Variants in LMOD3 observed in about 807,000 individuals in gnomAD.
LMOD3 encodes leiomodin-3.
A neutral mutation model predicts 41.8 loss-of-function variants in LMOD3; 31 were observed. The ratio of observed to expected loss-of-function variants is 0.74; its 90% CI spans 0.56 to 1.00. The LOEUF (loss-of-function observed/expected upper bound fraction) is 1.00, where lower values mean the gene tolerates loss of function less well. Ranked by LOEUF, LMOD3 falls within the 50% of genes least tolerant of loss-of-function variation. LMOD3 has a pLI of 0.00. For synonymous variants in LMOD3, 292 were observed against 241.9 expected (o/e 1.21, Z -1.92); for missense variants, 755 against 679.5 (o/e 1.11, Z -1.23).
chr3:69,109,462 G>T (rs1398148494), intron 2 of LMOD3, among the ~76,000 whole-genome samples: 1 of 148,278 alleles, frequency 6.7e-6, no homozygotes, highest in African/African-American at 2.5e-5. Context: ...GCTGTAAAAT[G>T]ATAATAACAG....
In LMOD3 at chr3:69,109,097, A is replaced by G. The variant is rs749851437; in HGVS notation, c.1681T>C (p.Ter561GlnextTer58). 7 of 1,600,874 alleles carry G rather than the reference A, an allele frequency of 4.4e-6. No individual in the cohort carries two copies. Among genetic ancestry groups the G allele is most frequent in the Non-Finnish European group, 6.0e-6 (7 of 1,173,386 alleles). The stretch of plus-strand genomic sequence containing the variant: ...CTTCTAGATGGCTCTGTTGCCTCTT[A>G]CGCCAGTTCTTTTGGCAGTTGCACC... ...KPVQLPKELA[*>Q] The change falls in exon 3 of 3, where the codon TAA becomes CAA. Residue 561 changes from the stop codon to glutamine (Q), a stop_lost. Transcript: ENST00000420581.
In LMOD3 at chr3:69,108,995, C is replaced by T; in HGVS notation, c.*100G>A. The stretch of plus-strand genomic sequence containing the variant: ...GATGGTAGCATTGTTTCCAGTTCTG[C>T]CACGTGGATCCTAAAGTATTGCTGC... On this transcript the variant is annotated 3_prime_UTR_variant, in exon 3 of 3. Transcript: ENST00000420581. 2 of 1,050,652 alleles carry T rather than the reference C, an allele frequency of 1.9e-6. No homozygotes were observed. Among genetic ancestry groups the T allele is most frequent in the Non-Finnish European group, 2.8e-6 (2 of 705,340 alleles). 65.1% of individuals were successfully genotyped at this position (1,050,652 alleles called of 1,614,324 possible). A position where few individuals can be genotyped will look rare whatever the true frequency, so the allele number is the denominator to read the frequency against.
rs2092334199 is a variant in LMOD3 at position 69,108,705 on chromosome 3, G to A, written c.*390C>T. On this transcript the variant is annotated 3_prime_UTR_variant, in exon 3 of 3. Transcript: ENST00000420581. ...TGAATTACCGCAGAAGAGATGGAAG[G>A]AGAAAAAAATGGGAATACAATAGTT... The A allele has an allele frequency of 6.0e-6, 1 of 167,250 alleles. No individual in the cohort carries two copies. Among genetic ancestry groups the A allele is most frequent in the Non-Finnish European group, 1.3e-5 (1 of 78,192 alleles). The allele number at this position is 167,250 out of a possible 1,614,324, so 10.4% of individuals were successfully genotyped here.
At chr3:69,114,151 T>C (rs2092361247) in intron 2 of LMOD3, among the ~76,000 whole-genome samples, 1 of 152,206 alleles carries the variant, frequency 6.6e-6, no homozygotes, top group Non-Finnish European at 1.5e-5. Flanking sequence ...ATGAAACCAA[T>C]GCATAGAAAC....
At position 69,106,721 on chromosome 3, in the gene LMOD3, T is replaced by G. The variant is rs1269854534; in HGVS notation, c.*2374A>C. The stretch of plus-strand genomic sequence containing the variant: ...TTTTTTTTTTTTTTGAGATGAGGTT[T>G]CGCTCTTGTTGCCCAGGCTGGAGTG... On this transcript the variant is annotated 3_prime_UTR_variant, in exon 3 of 3. Coordinates refer to ENST00000420581, the MANE Select transcript of LMOD3 (RefSeq NM_198271.5). Among the ~76,000 whole-genome samples the G allele has an allele frequency of 6.6e-6, 1 of 151,184 alleles. No individual in the cohort carries two copies. The highest frequency in any genetic ancestry group is 1.5e-5 in the Non-Finnish European group (1 of 67,914).
At chr3:69,114,889 A>G (rs2092364447) in intron 2 of LMOD3, among the ~76,000 whole-genome samples, 1 of 152,102 alleles carries the variant, frequency 6.6e-6, no homozygotes, top group Non-Finnish European at 1.5e-5. Flanking sequence ...TTTTTCACAC[A>G]GGGTCTCACT....
chr3:69,111,646 A>C (rs971839301), intron 2 of LMOD3, among the ~76,000 whole-genome samples: 4 of 152,300 alleles, frequency 2.6e-5, no homozygotes, highest in Middle Eastern at 3.4e-3. Context: ...TGCAATGATA[A>C]CTCAAAGCAG....
chr3:69,112,182 A>G (rs570030824), intron 2 of LMOD3, among the ~76,000 whole-genome samples: 10 of 152,334 alleles, frequency 6.6e-5, no homozygotes, highest in African/African-American at 1.7e-4. Flanking sequence ...TTAGTTTTCA[A>G]AGAAAGTATG....
intron 2 of LMOD3, among the ~76,000 whole-genome samples, chr3:69,110,117 G>T (rs1179046902): frequency 6.6e-6 from 1 of 152,116 alleles, no homozygotes; most frequent in East Asian, 1.9e-4. Flanking sequence ...AGGCAAGGGG[G>T]CATGCACCTG....
In LMOD3 at chr3:69,111,307, C is replaced by A. The variant is rs377240153; in HGVS notation, c.1657-2186G>T. ...GCCAGCCTTCAAGCCAAGGGGACTTCCATGGCTTCTGACCCTCTACCTCCC... is the reference window on the plus strand; with the variant it reads ...GCCAGCCTTCAAGCCAAGGGGACTTACATGGCTTCTGACCCTCTACCTCCC... On this transcript the variant is annotated intron_variant, in intron 2 of 2. Transcript: ENST00000420581. Among the ~76,000 whole-genome samples the A allele has an allele frequency of 5.9e-5, 9 of 152,182 alleles. No individual in the cohort carries two copies. The East Asian group carries it at 1.7e-3, about 29-fold the overall frequency.
At position 69,106,858 on chromosome 3, in the gene LMOD3, G is replaced by GTTTTTTTT. The variant is rs1332897476; in HGVS notation, c.*2236_*2237insAAAAAAAA. The GTTTTTTTT allele has an allele frequency of 1.2e-5, 1 of 81,080 alleles. No homozygotes were observed. Among genetic ancestry groups the GTTTTTTTT allele is most frequent in the African/African-American group, 5.9e-5 (1 of 16,922 alleles). The allele number at this position is 81,080 out of a possible 1,614,324, so 5.0% of individuals were successfully genotyped here. On this transcript the variant is annotated 3_prime_UTR_variant, in exon 3 of 3. Coordinates refer to ENST00000420581, the MANE Select transcript of LMOD3 (RefSeq NM_198271.5). ...TGAGCTACCATGCCTGGCTAATTTT[G>GTTTTTTTT]TATTTTTTTTTTTTTTTTTTTTTTT...
chr3:69,118,776 G>A lies in LMOD3; in HGVS notation c.1579C>T (p.Pro527Ser), dbSNP rs373480967. 2.5e-4 allele frequency: 405 copies of A among 1,612,066 alleles called. 5 individuals carry two copies. In the South Asian group the frequency reaches 4.0e-3, roughly 16 times the overall value. Residue 527 changes from proline (P) to serine (S), a missense_variant, in exon 2 of 3, where the codon CCC becomes TCC. Pro to Ser is a moderately conservative substitution (Grantham distance 74). Coordinates refer to ENST00000420581, the MANE Select transcript of LMOD3 (RefSeq NM_198271.5). The part of the protein sequence containing the change: ...TLKPVPRNRP[P>S]PLVEITPRDQ... ...CTGGGAGTGATTTCCACCAATGGGG[G>A]TGGCCTGTTTCTCGGCACTGGCTTG...
At chr3:69,110,710 G>T (rs1559658003) in intron 2 of LMOD3, among the ~76,000 whole-genome samples, 1 of 147,216 alleles carries the variant, frequency 6.8e-6, no homozygotes, top group Non-Finnish European at 1.5e-5. Flanking sequence ...GGGCGTGGTG[G>T]CACGTGCCTG....
At chr3:69,110,790 C>G (rs2092345598) in intron 2 of LMOD3, among the ~76,000 whole-genome samples, 1 of 139,598 alleles carries the variant, frequency 7.2e-6, no homozygotes, top group South Asian at 2.3e-4. Flanking sequence ...TTGCCTTGAG[C>G]TGGGATCCCA....
chr3:69,119,568 T>C lies in LMOD3; in HGVS notation c.787A>G (p.Ile263Val), dbSNP rs2092396501. ...AACATTTCTTTGGGGATGTTTTCAATGTTGTTCAGGTTGAGTTCCTTCATG... is the reference window on the plus strand; with the variant it reads ...AACATTTCTTTGGGGATGTTTTCAACGTTGTTCAGGTTGAGTTCCTTCATG... Reference protein sequence around the residue: ...PDMKELNLNNIENIPKEMLLD... With the variant: ...PDMKELNLNNVENIPKEMLLD... The change falls in exon 2 of 3, where the codon ATT becomes GTT. Residue 263 changes from isoleucine to valine, a missense_variant. Physicochemically the swap from Ile to Val is conservative, Grantham distance 29. Coordinates refer to ENST00000420581, the MANE Select transcript of LMOD3 (RefSeq NM_198271.5). 21 of 1,613,878 alleles carry C rather than the reference T, an allele frequency of 1.3e-5. No individual in the cohort carries two copies. Among genetic ancestry groups the C allele is most frequent in the Non-Finnish European group, 1.7e-5 (20 of 1,179,896 alleles).
intron 2 of LMOD3, among the ~76,000 whole-genome samples, chr3:69,110,853 A>AAAAAAAAAAATAT (rs1458630453): frequency 9.6e-6 from 1 of 104,164 alleles, no homozygotes; most frequent in African/African-American, 4.8e-5. Flanking sequence ...AAAAAAAAAA[A>AAAAAAAAAAATAT]ATATATATAT....
intron 2 of LMOD3, among the ~76,000 whole-genome samples, chr3:69,116,971 T>C (rs2092377393): frequency 6.6e-6 from 1 of 152,246 alleles, no homozygotes; most frequent in Admixed American, 6.5e-5. Flanking sequence ...GACTGCTCTT[T>C]TCTGAATGTA....
Position 69,114,979 on chromosome 3 carries a change from C to G in LMOD3, c.1656+3720G>C, listed in dbSNP as rs1028511881. On this transcript the variant is annotated intron_variant, in intron 2 of 2. Transcript: ENST00000420581. ...TTCCTGAGCTCAAGTGATCCTCCTGCCTCAGCCTCTTGTGTAGCTGGTACC... is the reference window on the plus strand; with the variant it reads ...TTCCTGAGCTCAAGTGATCCTCCTGGCTCAGCCTCTTGTGTAGCTGGTACC... 2.0e-5 allele frequency among the ~76,000 whole-genome samples: 3 copies of G among 152,188 alleles called. No individual in the cohort carries two copies. The South Asian group carries it at 6.2e-4, about 31-fold the overall frequency.
At chr3:69,117,230 T>C (rs766884135) in intron 2 of LMOD3, among the ~76,000 whole-genome samples, 2 of 152,184 alleles carry the variant, frequency 1.3e-5, no homozygotes, top group African/African-American at 4.8e-5. Context: ...CTCTAAATCA[T>C]AGATGAAAGT....
Sources: gnomAD v4.1 joint callset for allele counts (sites outside exome capture counted in the v4.1 genomes callset) on GRCh38, gnomAD v4.1.1 for gene constraint, MANE v1.5 for transcripts, NCBI Gene and HGNC (gene_info 2026-07-23, HGNC 2026-07-21) for gene names.